The following FSTL4 variants were observed in gnomAD, a reference collection of about 807,000 sequenced individuals.
FSTL4 encodes follistatin-related protein 4.
FSTL4 carries 28 observed loss-of-function variants against 78.2 expected under a neutral mutation model. The observed-to-expected ratio is 0.36, with a 90% CI of 0.27 to 0.49. The LOEUF (loss-of-function observed/expected upper bound fraction) is 0.49, where lower values mean the gene tolerates loss of function less well. FSTL4 is among the 20% of genes least tolerant of loss of function. The probability of loss-of-function intolerance (pLI) is 0.98; values close to 1 mark genes in which losing one functional copy is unlikely to be tolerated. For missense variants in FSTL4, 922 were observed against 1,084.9 expected, an observed-to-expected ratio of 0.85 and a Z score of 2.11; for synonymous variants, 422 against 440.5, an observed-to-expected ratio of 0.96 and a Z score of 0.53.
chr5:133,665,171 G>GA, the FSTL4 span, among the ~76,000 whole-genome samples: 1 of 152,130 alleles, frequency 6.6e-6, no homozygotes, highest in African/African-American at 2.4e-5. Context: ...GTGGGACTTT[G>GA]AAAAAAGAAT....
In FSTL4 at chr5:133,199,499, G is replaced by A. The variant is rs146189921; in HGVS notation, c.2125C>T (p.Pro709Ser). 1.8e-4 allele frequency: 293 copies of A among 1,614,188 alleles called. No homozygotes were observed. In the African/African-American group the frequency reaches 3.3e-3, roughly 18 times the overall value. The part of the protein sequence containing the change: ...RFIVSAAADS[P>S]WLHVQEITVR... ...GTGATCTCCTGCACGTGCAGCCAGG[G>A]GCTGTCAGCTGCAGCACTGACTATG... The change falls in exon 16 of 16, where the codon CCC (proline) becomes TCC (serine). Residue 709 changes from proline (P) to serine (S), a missense_variant. Physicochemically the swap from Pro to Ser is moderately conservative, Grantham distance 74. Transcript: ENST00000265342. The surrounding 1 kb of genome is among the most constrained non-coding windows in gnomAD (Gnocchi z 4.4).
chr5:133,686,245 C>T, the FSTL4 span, among the ~76,000 whole-genome samples: 1 of 152,220 alleles, frequency 6.6e-6, no homozygotes, highest in Non-Finnish European at 1.5e-5. Flanking sequence ...GACTCTGTTC[C>T]TCTACTCACT....
intron 3 of FSTL4, among the ~76,000 whole-genome samples, chr5:133,513,486 T>C (rs1012446355): frequency 2.0e-5 from 3 of 152,120 alleles, no homozygotes; most frequent in Admixed American, 6.5e-5. Flanking sequence ...TGCCCATCCA[T>C]GTGTTCAGCA....
At chr5:133,472,670 A>T (rs2112849989) in intron 3 of FSTL4, among the ~76,000 whole-genome samples, 1 of 152,380 alleles carries the variant, frequency 6.6e-6, no homozygotes, top group African/African-American at 2.4e-5. Flanking sequence ...TGACTCTCCA[A>T]CATTGGCATC....
intron 3 of FSTL4, among the ~76,000 whole-genome samples, chr5:133,504,958 ATTG>A (rs1016726363): frequency 6.6e-6 from 1 of 152,226 alleles, no homozygotes; most frequent in African/African-American, 2.4e-5. Context: ...GAGACTGGTC[ATTG>A]TTGTATTTTC....
chr5:133,730,384 A>G, the FSTL4 span, among the ~76,000 whole-genome samples: 1 of 152,214 alleles, frequency 6.6e-6, no homozygotes, highest in South Asian at 2.1e-4. Flanking sequence ...GACATGAATG[A>G]AAGTGAACTA....
chr5:133,291,359 T>C (rs1182374069), intron 6 of FSTL4, among the ~76,000 whole-genome samples: 1 of 152,208 alleles, frequency 6.6e-6, no homozygotes, highest in Non-Finnish European at 1.5e-5. Context: ...GCAGCGCACC[T>C]GAGTGTCTCA....
chr5:133,214,528 G>A (rs1470283986), intron 13 of FSTL4, among the ~76,000 whole-genome samples: 1 of 152,072 alleles, frequency 6.6e-6, no homozygotes, highest in African/African-American at 2.4e-5. Flanking sequence ...CCTCATTGTT[G>A]CCCAGCAGTC....
chr5:133,344,286 C>T (rs1015878134), intron 4 of FSTL4, among the ~76,000 whole-genome samples: 1 of 152,230 alleles, frequency 6.6e-6, no homozygotes, highest in African/African-American at 2.4e-5. Flanking sequence ...CCTGATCCTT[C>T]CCTGTTACTT....
At chr5:133,279,406 C>T (rs1018878693) in intron 6 of FSTL4, among the ~76,000 whole-genome samples, 28 of 152,244 alleles carry the variant, frequency 1.8e-4, no homozygotes, top group South Asian at 2.1e-4. Context: ...TCTGCTCCCC[C>T]ACTCCCAGTC....
chr5:133,825,445 C>A, the FSTL4 span, among the ~76,000 whole-genome samples: 1 of 152,256 alleles, frequency 6.6e-6, no homozygotes, highest in Non-Finnish European at 1.5e-5. Context: ...CCTCTGCAGC[C>A]ATTTACCACT....
intron 3 of FSTL4, among the ~76,000 whole-genome samples, chr5:133,483,931 A>C (rs1196415264): frequency 6.6e-6 from 1 of 152,156 alleles, no homozygotes; most frequent in Non-Finnish European, 1.5e-5. Context: ...GCAGCCTGCC[A>C]GGCCTCCAAG....
intron 6 of FSTL4, among the ~76,000 whole-genome samples, chr5:133,279,697 C>A (rs1052680142): frequency 6.6e-6 from 1 of 152,184 alleles, no homozygotes; most frequent in Non-Finnish European, 1.5e-5. Flanking sequence ...GGTCATGTGG[C>A]AGGGGCATCC....
At chr5:133,239,355 A>G (rs1751763559) in intron 7 of FSTL4, among the ~76,000 whole-genome samples, 1 of 152,090 alleles carries the variant, frequency 6.6e-6, no homozygotes, top group African/African-American at 2.4e-5. Context: ...GGCGCACGGC[A>G]CGGGACTGGC....
the FSTL4 span, among the ~76,000 whole-genome samples, chr5:133,745,791 C>G: frequency 6.6e-6 from 1 of 152,184 alleles, no homozygotes; most frequent in Non-Finnish European, 1.5e-5. Context: ...TAGGTACAGC[C>G]CATTTCTGAG....
intron 3 of FSTL4, among the ~76,000 whole-genome samples, chr5:133,500,050 G>T (rs1161408603): frequency 6.6e-6 from 1 of 152,134 alleles, no homozygotes; most frequent in South Asian, 2.1e-4. Context: ...TTAGAGCATT[G>T]AATCAATATT....
At chr5:133,477,201 A>T (rs553051007) in intron 3 of FSTL4, among the ~76,000 whole-genome samples, 1 of 152,244 alleles carries the variant, frequency 6.6e-6, no homozygotes, top group South Asian at 2.1e-4. Context: ...AGAAAGAAAA[A>T]AGAAAAAGAA....
At chr5:133,789,649 G>A in the FSTL4 span, among the ~76,000 whole-genome samples, 2 of 152,212 alleles carry the variant, frequency 1.3e-5, no homozygotes, top group Non-Finnish European at 2.9e-5. Context: ...CACCGACTGG[G>A]TGGCTTAAAC....
chr5:133,413,700 T>C (rs1316080707), intron 3 of FSTL4, among the ~76,000 whole-genome samples: 2 of 152,180 alleles, frequency 1.3e-5, no homozygotes, highest in Non-Finnish European at 2.9e-5. Flanking sequence ...TCTATTTAAG[T>C]ATCTCTTATC....
Sources: allele counts gnomAD v4.1 joint callset (sites outside exome capture counted in the v4.1 genomes callset), GRCh38; gene constraint gnomAD v4.1.1; non-coding constraint Gnocchi (gnomAD v3.1); transcripts MANE v1.5; gene names NCBI Gene and HGNC (gene_info 2026-07-23, HGNC 2026-07-21).